The following BTBD2 variants were observed in gnomAD, a reference collection of about 807,000 sequenced individuals.
BTBD2 encodes the protein BTB/POZ domain-containing protein 2.
A neutral mutation model predicts 44.0 loss-of-function variants in BTBD2; 15 were observed. The observed-to-expected ratio is 0.34, with a 90% CI of 0.23 to 0.53. BTBD2 has a LOEUF of 0.53. Among genes scored for constraint, BTBD2 ranks in the 20% least tolerant of loss-of-function variants. The probability of loss-of-function intolerance (pLI) is 0.95; values close to 1 mark genes in which losing one functional copy is unlikely to be tolerated. For missense variants in BTBD2, 657 were observed against 746.4 expected (o/e 0.88, Z 1.39); for synonymous variants, 443 against 335.9 (o/e 1.32, Z -3.49).
chr19:2,009,982 C>T (rs187705749), intron 1 of BTBD2, among the ~76,000 whole-genome samples: 15 of 137,586 alleles, frequency 1.1e-4, no homozygotes, highest in Middle Eastern at 3.5e-3. Flanking sequence ...GGTGAAACCC[C>T]GTCTCTACTA....
intron 1 of BTBD2, among the ~76,000 whole-genome samples, chr19:2,011,344 C>T (rs1285391421): frequency 2.0e-5 from 3 of 152,114 alleles, no homozygotes; most frequent in Admixed American, 6.6e-5. Context: ...GAGTCTGCAG[C>T]TGCTACTCCC....
At position 2,015,541 on chromosome 19, in the gene BTBD2, GGGCGGC is replaced by G. The variant is rs533915623; in HGVS notation, c.157_162del (p.Ala53_Ala54del). ...GGCGGGGCGGGCGGCGTCGGCCCAG[GGGCGGC>G]GGCGGCGGCGGCGGCGGCGGCGGCG... On this transcript the variant is annotated inframe_deletion, in exon 1 of 9. Coordinates refer to ENST00000255608, the MANE Select transcript of BTBD2 (RefSeq NM_017797.4). The G allele has an allele frequency of 0.15, 137,332 of 891,008 alleles. 10,658 individuals are homozygous for G. The highest frequency in any genetic ancestry group is 0.34 in the African/African-American group (16,298 of 47,752). The allele number at this position is 891,008 out of a possible 1,614,324, so 55.2% of individuals were successfully genotyped here.
In BTBD2 at chr19:1,986,164, A is replaced by T; in HGVS notation, c.*324T>A. 1 of 354,910 alleles carries T rather than the reference A, an allele frequency of 2.8e-6. No individual in the cohort carries two copies. Among genetic ancestry groups the T allele is most frequent in the Non-Finnish European group, 5.2e-6 (1 of 191,644 alleles). The allele number at this position is 354,910 out of a possible 1,614,324, so 22.0% of individuals were successfully genotyped here. A position where few individuals can be genotyped will look rare whatever the true frequency, so the allele number is the denominator to read the frequency against. On this transcript the variant is annotated 3_prime_UTR_variant, in exon 9 of 9. Transcript: ENST00000255608. ...GGGACGCCCGCGGCGCACCGCCGGC[A>T]GACGACGTGGGCAGGCGCCCTGAGC...
At position 1,986,846 on chromosome 19, in the gene BTBD2, G is replaced by C; in HGVS notation, c.1400C>G (p.Ala467Gly). 3 of 1,610,134 alleles carry C rather than the reference G, an allele frequency of 1.9e-6. No homozygotes were observed. The Middle Eastern group carries it at 5.0e-4, about 267-fold the overall frequency. ...GCGGCGCACCTTGAGCGTGGCACAGGCCGTGTAGTTGACGTTGGGCAGCAC... is the reference window on the plus strand; with the variant it reads ...GCGGCGCACCTTGAGCGTGGCACAGCCCGTGTAGTTGACGTTGGGCAGCAC... ...VEVLPNVNYT[A>G]CATLKGPDSH... Residue 467 changes from alanine to glycine, a missense_variant, in exon 8 of 9, where the codon GCC becomes GGC. Coordinates refer to ENST00000255608, the MANE Select transcript of BTBD2 (RefSeq NM_017797.4).
At chr19:2,011,751 CCTCCTG>C (rs1599362033) in intron 1 of BTBD2, among the ~76,000 whole-genome samples, 1 of 152,180 alleles carries the variant, frequency 6.6e-6, no homozygotes, top group Non-Finnish European at 1.5e-5. Flanking sequence ...ACAGACCCAC[CCTCCTG>C]CTCCTGCTCC....
chr19:2,004,329 G>A (rs571403218), intron 1 of BTBD2, among the ~76,000 whole-genome samples: 21 of 140,296 alleles, frequency 1.5e-4, no homozygotes, highest in Non-Finnish European at 2.4e-4. Flanking sequence ...CACTAGTGTT[G>A]CCTAGGCTGG....
chr19:2,001,032 C>A (rs36073316), intron 1 of BTBD2, among the ~76,000 whole-genome samples: 29,092 of 152,040 alleles, frequency 0.19, 3,085 homozygotes, highest in East Asian at 0.31. Context: ...GCCTGTACTC[C>A]CAGCACTTTG....
intron 2 of BTBD2, among the ~76,000 whole-genome samples, chr19:1,996,309 T>G (rs1457950518): frequency 6.6e-6 from 1 of 152,092 alleles, no homozygotes; most frequent in Non-Finnish European, 1.5e-5. Flanking sequence ...CCATATGAAT[T>G]CTAGGATAGT....
Position 2,013,757 on chromosome 19 carries a change from G to A in BTBD2, c.407+1540C>T, listed in dbSNP as rs1055499539. The A allele has an allele frequency of 5.7e-6, 5 of 875,914 alleles. No homozygotes were observed. The African/African-American group carries it at 9.1e-5, about 16-fold the overall frequency. 54.3% of individuals were successfully genotyped at this position (875,914 alleles called of 1,614,324 possible). On this transcript the variant is annotated intron_variant, in intron 1 of 8. Transcript: ENST00000255608. ...GCATGGTTTGAAGGTCTCTGATCCAGATCATGTGCTGAGCCTGGGGGTCTC... is the reference window on the plus strand; with the variant it reads ...GCATGGTTTGAAGGTCTCTGATCCAAATCATGTGCTGAGCCTGGGGGTCTC...
At chr19:2,010,643 C>CTT (rs538078810) in intron 1 of BTBD2, among the ~76,000 whole-genome samples, 3 of 145,432 alleles carry the variant, frequency 2.1e-5, no homozygotes, top group Admixed American at 6.9e-5. Context: ...ATCCCCCCAC[C>CTT]TTTTTTTTTT....
intron 2 of BTBD2, among the ~76,000 whole-genome samples, chr19:1,997,041 G>A (rs542754286): frequency 1.2e-4 from 18 of 151,976 alleles, no homozygotes; most frequent in East Asian, 3.9e-4. Flanking sequence ...TTAGCCGGGC[G>A]TGGTGGCACG....
At chr19:1,987,292 G>A (rs752498055) in intron 6 of BTBD2, 39 bp from the exon 7 acceptor site, 19 of 1,603,000 alleles carry the variant, frequency 1.2e-5, no homozygotes, top group South Asian at 2.2e-5. Flanking sequence ...TGGATACCCA[G>A]GGATAGCCTA....
chr19:2,000,246 C>T (rs1340478235), intron 1 of BTBD2, among the ~76,000 whole-genome samples: 4 of 152,174 alleles, frequency 2.6e-5, no homozygotes, highest in Middle Eastern at 3.4e-3. Flanking sequence ...CCCTCCTGGC[C>T]GCGTCCTCAA....
intron 3 of BTBD2, 123 bp from the exon 4 acceptor site, chr19:1,990,945 GAGCCACCAGGGTCTC>G (rs1305995536): frequency 1.1e-5 from 9 of 856,388 alleles, no homozygotes; most frequent in African/African-American, 1.7e-5. Context: ...GCGTGGCCAG[GAGCCACCAGGGTCTC>G]AGCCACCAGG....
intron 1 of BTBD2, among the ~76,000 whole-genome samples, chr19:2,006,691 G>GC (rs1555687854): frequency 1.4e-5 from 2 of 145,932 alleles, no homozygotes; most frequent in African/African-American, 2.5e-5. Flanking sequence ...TGTAAATTAA[G>GC]TTTTTTTTTT....
chr19:2,010,972 C>T (rs2016457171), intron 1 of BTBD2, among the ~76,000 whole-genome samples: 1 of 152,134 alleles, frequency 6.6e-6, no homozygotes, highest in Non-Finnish European at 1.5e-5. Context: ...GCTGTGTGGC[C>T]TGTGGCTGTC....
At chr19:1,999,682 CA>C (rs1264118514) in intron 1 of BTBD2, among the ~76,000 whole-genome samples, 1 of 151,162 alleles carries the variant, frequency 6.6e-6, no homozygotes, top group Non-Finnish European at 1.5e-5. Context: ...AAAAAAAGGC[CA>C]GGTGCAGTGG....
chr19:1,986,683 C>T lies in BTBD2; in HGVS notation c.1417-34G>A, dbSNP rs768195360. ...AATAGGGGTACAGTGAGGTCAAGGACCACCAGGCTGGGATGCCCCAGGTGT... is the reference window on the plus strand; with the variant it reads ...AATAGGGGTACAGTGAGGTCAAGGATCACCAGGCTGGGATGCCCCAGGTGT... On this transcript the variant is annotated intron_variant, in intron 8 of 8. Transcript: ENST00000255608. The T allele has an allele frequency of 7.5e-6, 12 of 1,606,610 alleles. No homozygotes were observed. The South Asian group carries it at 1.2e-4, about 16-fold the overall frequency.
At chr19:2,010,344 A>G (rs1188264832) in intron 1 of BTBD2, among the ~76,000 whole-genome samples, 3 of 152,134 alleles carry the variant, frequency 2.0e-5, no homozygotes, top group African/African-American at 7.2e-5. Flanking sequence ...GCGCGCTGAG[A>G]TGGACGGGTG....
Sources: gnomAD v4.1 joint callset for allele counts (sites outside exome capture counted in the v4.1 genomes callset) on GRCh38, gnomAD v4.1.1 for gene constraint, MANE v1.5 for transcripts, NCBI Gene and HGNC (gene_info 2026-07-23, HGNC 2026-07-21) for gene names.